Variants in FOXN2 observed in about 807,000 individuals in gnomAD.
The protein encoded by FOXN2 is forkhead box N2, also known as forkhead box protein N2.
Under a neutral mutation model 41.2 loss-of-function variants are expected in FOXN2, and 19 were observed. The ratio of observed to expected loss-of-function variants is 0.46; its 90% CI spans 0.32 to 0.68. The LOEUF (loss-of-function observed/expected upper bound fraction) is 0.68. Ranked by LOEUF, FOXN2 falls within the 30% of genes least tolerant of loss-of-function variation. FOXN2 has a pLI of 0.03. For synonymous variants in FOXN2, 195 were observed against 176.8 expected (o/e 1.10, Z -0.82); for missense variants, 587 against 509.4 (o/e 1.15, Z -1.47).
At chr2:48,315,333 C>T (rs1233746001) in intron 1 of FOXN2, among the ~76,000 whole-genome samples, 1 of 152,176 alleles carries the variant, frequency 6.6e-6, no homozygotes. Flanking sequence ...TGGCTGGGCC[C>T]CGCCAAGTAG....
intron 3 of FOXN2, among the ~76,000 whole-genome samples, chr2:48,353,552 C>CTGTGTGTGTG (rs57528113): frequency 1.7e-4 from 22 of 128,916 alleles, no homozygotes; most frequent in Non-Finnish European, 2.6e-4. Context: ...TCACTTAAGA[C>CTGTGTGTGTG]TGTGTGTGTG....
intron 2 of FOXN2, among the ~76,000 whole-genome samples, chr2:48,334,884 T>G (rs1670233065): frequency 6.6e-6 from 1 of 152,200 alleles, no homozygotes; most frequent in Non-Finnish European, 1.5e-5. Context: ...AGAATATTAC[T>G]GCAAATCGAA....
rs570687939 is a variant in FOXN2, at chr2:48,361,431, C to T, written c.639-1212C>T. ...GCAGTGAGCCGAGATTGCGCCACTGCTCTCCAGCCTGGGCGACAGAGCGAG... is the reference window on the plus strand; with the variant it reads ...GCAGTGAGCCGAGATTGCGCCACTGTTCTCCAGCCTGGGCGACAGAGCGAG... On this transcript the variant is annotated intron_variant, in intron 4 of 6. Transcript: ENST00000340553. 1.4e-3 allele frequency among the ~76,000 whole-genome samples: 212 copies of T among 151,244 alleles called. 1 individual carries two copies. Among genetic ancestry groups the T allele is most frequent in the African/African-American group, 4.7e-3 (195 of 41,098 alleles).
intron 5 of FOXN2, among the ~76,000 whole-genome samples, chr2:48,365,606 A>G (rs1363498948): frequency 5.9e-5 from 9 of 152,168 alleles, no homozygotes. Flanking sequence ...TTACTAGGGC[A>G]CAGGTACTTC....
intron 5 of FOXN2, among the ~76,000 whole-genome samples, chr2:48,366,540 C>T (rs905567141): frequency 6.6e-5 from 10 of 151,984 alleles, no homozygotes; most frequent in African/African-American, 2.4e-4. Flanking sequence ...TGGTCATTTG[C>T]GTGGGCAAGG....
chr2:48,346,499 C>T lies in FOXN2; in HGVS notation c.285C>T (p.Ser95=), dbSNP rs1480049956. Residue 95 remains serine, a synonymous_variant, in exon 3 of 7, where the codon TCC becomes TCT. Coordinates refer to ENST00000340553, the MANE Select transcript of FOXN2 (RefSeq NM_002158.4). ...ACATAGAGGGAGATGATGTGCCATC[C>T]TTTGGACCAGCTTGCTACCAGAACC... The part of the protein sequence containing the change: ...LYDIEGDDVP[S]FGPACYQNPE... The T allele has an allele frequency of 1.2e-6, 2 of 1,613,946 alleles. No homozygotes were observed. The highest frequency in any genetic ancestry group is 1.1e-5 in the South Asian group (1 of 91,072).
intron 3 of FOXN2, among the ~76,000 whole-genome samples, chr2:48,351,325 T>C (rs1434668690): frequency 1.3e-5 from 2 of 152,318 alleles, no homozygotes; most frequent in African/African-American, 4.8e-5. Flanking sequence ...TCGCCCAGGC[T>C]GGAGTGCAGT....
At chr2:48,342,402 T>C (rs942977267) in intron 2 of FOXN2, among the ~76,000 whole-genome samples, 12 of 152,248 alleles carry the variant, frequency 7.9e-5, no homozygotes, top group Admixed American at 5.9e-4. Flanking sequence ...GGGAAGGGAA[T>C]ATCTTTTTCC....
In FOXN2 at chr2:48,377,092, T is replaced by C. The variant is rs543676863; in HGVS notation, c.*1649T>C. The C allele has an allele frequency of 6.6e-6, 1 of 152,160 alleles. No homozygotes were observed. The highest frequency in any genetic ancestry group is 2.4e-5 in the African/African-American group (1 of 41,572). 9.4% of individuals were successfully genotyped at this position (152,160 alleles called of 1,614,324 possible). ...GGGATAACAGTATTAATGTTCTCTG[T>C]TCTGTTTCCATGTTAAATTTAATTT... is the stretch of plus-strand genomic sequence containing the variant. On this transcript the variant is annotated 3_prime_UTR_variant, in exon 7 of 7. Coordinates refer to ENST00000340553, the MANE Select transcript of FOXN2 (RefSeq NM_002158.4).
chr2:48,362,268 T>C (rs1672239887), intron 4 of FOXN2, among the ~76,000 whole-genome samples: 1 of 152,206 alleles, frequency 6.6e-6, no homozygotes, highest in South Asian at 2.1e-4. Flanking sequence ...GACTAAGTTC[T>C]ATAAAAAGTG....
intron 1 of FOXN2, 91 bp downstream of exon 1, chr2:48,314,905 A>T (rs1165467651): frequency 6.6e-6 from 1 of 151,488 alleles, no homozygotes; most frequent in Non-Finnish European, 1.5e-5. Flanking sequence ...AGCGCGAGCG[A>T]CCCGCGCCAG....
Position 48,346,310 on chromosome 2 carries a change from C to A in FOXN2, c.96C>A (p.Ser32Arg). ...AGLSQIYKMG[S>R]LPEAVDAARP... ...TAAGCCAGATTTACAAAATGGGAAG[C>A]TTGCCTGAAGCTGTTGATGCTGCCA... The change falls in exon 3 of 7, where the codon AGC becomes AGA. Residue 32 changes from serine (S) to arginine (R), a missense_variant. Physicochemically the swap from Ser to Arg is moderately radical, Grantham distance 110. Coordinates refer to ENST00000340553, the MANE Select transcript of FOXN2 (RefSeq NM_002158.4). 1 of 1,614,194 alleles carries A rather than the reference C, an allele frequency of 6.2e-7. No individual in the cohort carries two copies. The highest frequency in any genetic ancestry group is 8.5e-7 in the Non-Finnish European group (1 of 1,180,024).
chr2:48,342,142 A>T (rs1398926037), intron 2 of FOXN2, among the ~76,000 whole-genome samples: 1 of 152,170 alleles, frequency 6.6e-6, no homozygotes, highest in Non-Finnish European at 1.5e-5. Flanking sequence ...CAAAGACAAA[A>T]ATTAGTAATA....
Position 48,317,595 on chromosome 2 carries a change from C to CTTTTTTTTTTTTTTTTTTTT in FOXN2, c.-157+2792_-157+2811dup, listed in dbSNP as rs574980247. Among the ~76,000 whole-genome samples the CTTTTTTTTTTTTTTTTTTTT allele has an allele frequency of 8.6e-5, 3 of 34,712 alleles. 1 individual carries two copies. Among genetic ancestry groups the CTTTTTTTTTTTTTTTTTTTT allele is most frequent in the Non-Finnish European group, 1.7e-4 (3 of 17,470 alleles). The allele number at this position is 34,712 out of a possible 152,430, so 22.8% of individuals were successfully genotyped here. A position where few individuals can be genotyped will look rare whatever the true frequency, so the allele number is the denominator to read the frequency against. On this transcript the variant is annotated intron_variant, in intron 1 of 6. Coordinates refer to ENST00000340553, the MANE Select transcript of FOXN2 (RefSeq NM_002158.4). ...ACAATGCCTATAGCCTATAGTATTG[C>CTTTTTTTTTTTTTTTTTTTT]TTTTTTTTTTTTTTTTTTTTTTTTT...
chr2:48,337,617 T>A (rs145686094), intron 2 of FOXN2, among the ~76,000 whole-genome samples: 4 of 152,218 alleles, frequency 2.6e-5, no homozygotes, highest in African/African-American at 9.6e-5. Context: ...GATCTCATTC[T>A]TTTTCGTGTG....
At chr2:48,367,715 T>C (rs1022739677) in intron 5 of FOXN2, among the ~76,000 whole-genome samples, 9 of 152,272 alleles carry the variant, frequency 5.9e-5, no homozygotes, top group Non-Finnish European at 1.2e-4. Context: ...GCTCGACTTA[T>C]AACCTTACTC....
chr2:48,325,144 A>G (rs1669578073), intron 1 of FOXN2, among the ~76,000 whole-genome samples: 1 of 152,156 alleles, frequency 6.6e-6, no homozygotes, highest in East Asian at 1.9e-4. Context: ...TTAAAAAGCA[A>G]TCTAGGCAGG....
At position 48,346,644 on chromosome 2, in the gene FOXN2, G is replaced by T; in HGVS notation, c.430G>T (p.Asp144Tyr). The T allele has an allele frequency of 6.2e-7, 1 of 1,614,100 alleles. No individual in the cohort carries two copies. The change falls in exon 3 of 7, where the codon GAC becomes TAC. Residue 144 changes from aspartate (D) to tyrosine (Y), a missense_variant. By Grantham distance (160) the Asp-to-Tyr change is radical. Transcript: ENST00000340553. ...PVKEIYSWIL[D>Y]HFPYFATAPT... ...CAAAGAAATTTATAGCTGGATTCTGGACCATTTTCCATATTTTGCTACTGC... is the reference window on the plus strand; with the variant it reads ...CAAAGAAATTTATAGCTGGATTCTGTACCATTTTCCATATTTTGCTACTGC...
In FOXN2 at chr2:48,359,166, A is replaced by C. The variant is rs758419393; in HGVS notation, c.638+19A>C. ...CACAAAAGTAAGGATCTTCCATATA[A>C]CTGTCAGTGGTGATTTATAGGATTT... On this transcript the variant is annotated intron_variant, in intron 4 of 6. Coordinates refer to ENST00000340553, the MANE Select transcript of FOXN2 (RefSeq NM_002158.4). 6.4e-7 allele frequency: 1 copy of C among 1,556,628 alleles called. No individual in the cohort carries two copies.
Sources: gnomAD v4.1 joint callset for allele counts (sites outside exome capture counted in the v4.1 genomes callset) on GRCh38, gnomAD v4.1.1 for gene constraint, MANE v1.5 for transcripts, NCBI Gene and HGNC (gene_info 2026-07-23, HGNC 2026-07-21) for gene names.